The following MYO5B variants were observed in gnomAD, a reference collection of about 807,000 sequenced individuals.
MYO5B encodes the protein myosin VB.
A neutral mutation model predicts 229.3 loss-of-function variants in MYO5B; 143 were observed. That is an observed-to-expected ratio of 0.62 (90% CI 0.54 to 0.72). The LOEUF (loss-of-function observed/expected upper bound fraction) is 0.72, where lower values mean the gene tolerates loss of function less well. MYO5B is among the 30% of genes least tolerant of loss of function. The probability of loss-of-function intolerance (pLI) is 0.00; values close to 1 mark genes in which losing one functional copy is unlikely to be tolerated. For synonymous variants in MYO5B, 918 were observed against 885.2 expected (o/e 1.04, Z -0.66); for missense variants, 2,321 against 2,331.0 (o/e 1.00, Z 0.09).
intron 1 of MYO5B, among the ~76,000 whole-genome samples, chr18:50,189,769 G>C (rs1393172317): frequency 6.6e-6 from 1 of 152,176 alleles, no homozygotes; most frequent in East Asian, 1.9e-4. Flanking sequence ...GGGTACAGAG[G>C]AAACAGGTGG....
At chr18:50,006,495 G>A (rs1303708377) in intron 4 of MYO5B, among the ~76,000 whole-genome samples, 1 of 152,182 alleles carries the variant, frequency 6.6e-6, no homozygotes, top group Non-Finnish European at 1.5e-5. Flanking sequence ...AAGAGTACAG[G>A]AGCCTGAGGT....
intron 13 of MYO5B, 55 bp from the exon 14 acceptor site, chr18:49,953,398 CA>C: frequency 6.8e-7 from 1 of 1,471,698 alleles, no homozygotes; most frequent in Non-Finnish European, 9.5e-7. Flanking sequence ...AGCAGTTTCT[CA>C]ACCACTTTCA....
chr18:49,919,713 C>T (rs943151473), intron 17 of MYO5B, among the ~76,000 whole-genome samples: 10 of 152,172 alleles, frequency 6.6e-5, no homozygotes, highest in Middle Eastern at 3.2e-3. Context: ...CCCTCATGTA[C>T]GCTGCTGGTA....
chr18:49,975,497 C>T (rs1437736336), intron 9 of MYO5B, among the ~76,000 whole-genome samples: 1 of 152,168 alleles, frequency 6.6e-6, no homozygotes, highest in Non-Finnish European at 1.5e-5. Flanking sequence ...TCGCTTTCTT[C>T]TTAGCCTCAT....
intron 1 of MYO5B, among the ~76,000 whole-genome samples, chr18:50,059,270 C>T (rs78610848): frequency 1.3e-5 from 2 of 152,128 alleles, no homozygotes; most frequent in East Asian, 3.9e-4. Flanking sequence ...TGATAAGTAC[C>T]ATGTAACAAA....
chr18:50,024,381 C>T (rs1239213415), intron 4 of MYO5B, among the ~76,000 whole-genome samples: 4 of 152,264 alleles, frequency 2.6e-5, no homozygotes, highest in East Asian at 1.9e-4. Flanking sequence ...GGGATTCCAC[C>T]TCTCTCCTTC....
chr18:50,126,912 G>A (rs1277152379), intron 1 of MYO5B, among the ~76,000 whole-genome samples: 1 of 152,206 alleles, frequency 6.6e-6, no homozygotes, highest in Non-Finnish European at 1.5e-5. Context: ...TAAATGAGCT[G>A]ACATACAGGA....
chr18:50,134,506 G>T (rs566533833), intron 1 of MYO5B, among the ~76,000 whole-genome samples: 31 of 152,066 alleles, frequency 2.0e-4, no homozygotes, highest in African/African-American at 5.8e-4. Flanking sequence ...AGTGAGCCGA[G>T]ATCGCGCCAT....
rs908136149 is a variant in MYO5B, at chr18:49,912,465, C to A, written c.2091-292G>T. 2.6e-5 allele frequency among the ~76,000 whole-genome samples: 4 copies of A among 152,108 alleles called. No individual in the cohort carries two copies. The East Asian group carries it at 7.7e-4, about 29-fold the overall frequency. On this transcript the variant is annotated intron_variant, in intron 17 of 39. Transcript: ENST00000285039. ...TATGCCTGATATGGTTTGGCTGTGT[C>A]CCCACCCAAATCTCATCGTGAATTG...
chr18:49,931,372 C>T (rs1454285347), intron 16 of MYO5B, among the ~76,000 whole-genome samples: 3 of 152,194 alleles, frequency 2.0e-5, no homozygotes. Context: ...TCCCAAGCCC[C>T]ACCTTCTTTC....
At chr18:49,983,924 G>C (rs1229486891) in intron 8 of MYO5B, among the ~76,000 whole-genome samples, 1 of 152,196 alleles carries the variant, frequency 6.6e-6, no homozygotes, top group African/African-American at 2.4e-5. Flanking sequence ...AACCTAACAT[G>C]CTGCTCTGGG....
At chr18:50,077,754 A>G (rs2031122814) in intron 1 of MYO5B, among the ~76,000 whole-genome samples, 1 of 152,222 alleles carries the variant, frequency 6.6e-6, no homozygotes, top group South Asian at 2.1e-4. Flanking sequence ...AAAGGCACAG[A>G]GGAAAGAACA....
At chr18:49,842,980 T>C (rs1245878793) in intron 34 of MYO5B, among the ~76,000 whole-genome samples, 1 of 152,224 alleles carries the variant, frequency 6.6e-6, no homozygotes, top group Non-Finnish European at 1.5e-5. Flanking sequence ...GCACTGGGCA[T>C]GTCTGGAGGC....
intron 4 of MYO5B, among the ~76,000 whole-genome samples, chr18:50,018,039 G>A (rs1268820208): frequency 2.0e-5 from 3 of 152,084 alleles, no homozygotes; most frequent in Non-Finnish European, 2.9e-5. Flanking sequence ...TCTTTTAAGT[G>A]TTTTTTTCTC....
rs546185504 is a variant in MYO5B at position 50,078,378 on chromosome 18, G to C, written c.28-23000C>G. ...GAAAGCACATTTTGGTGGACTTTAA[G>C]GCAAATTTTTCTATGCAAGTCCCCT... On this transcript the variant is annotated intron_variant, in intron 1 of 39. Coordinates refer to ENST00000285039, the MANE Select transcript of MYO5B (RefSeq NM_001080467.3). Among the ~76,000 whole-genome samples, 35 of 152,234 alleles carry C rather than the reference G, an allele frequency of 2.3e-4. 1 individual carries two copies. The highest frequency in any genetic ancestry group is 2.0e-3 in the Admixed American group (31 of 15,292).
chr18:49,994,617 C>T (rs1175316629), intron 5 of MYO5B, among the ~76,000 whole-genome samples: 2 of 152,194 alleles, frequency 1.3e-5, no homozygotes, highest in African/African-American at 4.8e-5. Flanking sequence ...GCCCGGCCAG[C>T]CTGATGTAAC....
At chr18:50,115,768 A>C (rs1772504822) in intron 1 of MYO5B, among the ~76,000 whole-genome samples, 1 of 146,146 alleles carries the variant, frequency 6.8e-6, no homozygotes, top group African/African-American at 2.5e-5. Flanking sequence ...GGGAATTCTT[A>C]AGGACAGTGT....
At chr18:49,879,329 G>A in intron 23 of MYO5B, 1 of 539,746 alleles carries the variant, frequency 1.9e-6, no homozygotes, top group Non-Finnish European at 3.3e-6. Flanking sequence ...GAGAGAAGTT[G>A]GCAGCGTAGG....
chr18:49,858,156 T>C (rs1253830398), intron 29 of MYO5B, among the ~76,000 whole-genome samples: 4 of 152,192 alleles, frequency 2.6e-5, no homozygotes, highest in Non-Finnish European at 5.9e-5. Flanking sequence ...CAGGCCACGA[T>C]AGGAAGTGGG....
Sources: gnomAD v4.1 joint callset for allele counts (sites outside exome capture counted in the v4.1 genomes callset) on GRCh38, gnomAD v4.1.1 for gene constraint, MANE v1.5 for transcripts, NCBI Gene and HGNC (gene_info 2026-07-23, HGNC 2026-07-21) for gene names.